CSMD1: variants seen among roughly 807,000 people sequenced by gnomAD.
The protein encoded by CSMD1 is CUB and sushi domain-containing protein 1.
CSMD1 carries 213 observed loss-of-function variants against 417.5 expected under a neutral mutation model. The observed-to-expected ratio is 0.51, with a 90% CI of 0.46 to 0.57. The LOEUF is 0.57. Among genes scored for constraint, CSMD1 ranks in the 20% least tolerant of loss-of-function variants. The pLI, the probability that CSMD1 is intolerant of heterozygous loss-of-function variation, is 0.00. For synonymous variants in CSMD1, 2,862 were observed against 1,736.8 expected (o/e 1.65, Z -16.11); for missense variants, 6,923 against 4,529.7 (o/e 1.53, Z -15.17).
intron 15 of CSMD1, among the ~76,000 whole-genome samples, chr8:3,401,933 G>C (rs528749398): frequency 1.3e-5 from 2 of 149,678 alleles, no homozygotes; most frequent in East Asian, 2.0e-4. Context: ...CCAATGAGGT[G>C]TTTAGAAAGC....
chr8:4,448,955 T>G (rs1484013492), intron 2 of CSMD1, among the ~76,000 whole-genome samples: 2 of 152,204 alleles, frequency 1.3e-5, no homozygotes, highest in Admixed American at 6.5e-5. Flanking sequence ...GTGTACCTGT[T>G]TCTCTTCTGG....
At chr8:4,098,449 G>C (rs1008573969) in intron 3 of CSMD1, among the ~76,000 whole-genome samples, 5 of 151,888 alleles carry the variant, frequency 3.3e-5, no homozygotes, top group African/African-American at 9.7e-5. Context: ...ACATGCATCA[G>C]ACACATATTG....
intron 3 of CSMD1, among the ~76,000 whole-genome samples, chr8:4,297,048 TA>T (rs1425849897): frequency 6.6e-6 from 1 of 151,078 alleles, no homozygotes; most frequent in African/African-American, 2.4e-5. Context: ...TTTACGCCAA[TA>T]AAAATGGTCG....
intron 3 of CSMD1, among the ~76,000 whole-genome samples, chr8:4,314,236 C>G (rs6983013): frequency 2.7e-4 from 41 of 151,622 alleles, no homozygotes; most frequent in Non-Finnish European, 5.4e-4. Context: ...AGTCACAACA[C>G]AATGCCACAT....
chr8:4,928,482 T>C (rs1381344620), intron 1 of CSMD1, among the ~76,000 whole-genome samples: 1 of 152,160 alleles, frequency 6.6e-6, no homozygotes, highest in African/African-American at 2.4e-5. Context: ...ATTTATGAAA[T>C]AATTATGTGA....
In CSMD1 at chr8:4,770,393, T is replaced by C. The variant is rs145855742; in HGVS notation, c.86-132835A>G. Among the ~76,000 whole-genome samples, 1,129 of 149,360 alleles carry C rather than the reference T, an allele frequency of 7.6e-3. 9 individuals are homozygous for C. The highest frequency in any genetic ancestry group is 0.011 in the South Asian group (51 of 4,794). ...TATATGTAGTACGTAATTAAGCTTTTATATATTATATATATTTCCTAATTC... is the reference window on the plus strand; with the variant it reads ...TATATGTAGTACGTAATTAAGCTTTCATATATTATATATATTTCCTAATTC... On this transcript the variant is annotated intron_variant, in intron 1 of 69. Transcript: ENST00000635120.
intron 10 of CSMD1, among the ~76,000 whole-genome samples, chr8:3,534,393 G>A (rs1171816772): frequency 1.3e-5 from 2 of 151,872 alleles, no homozygotes; most frequent in Non-Finnish European, 2.9e-5. Context: ...TGTAGACTCA[G>A]TTTAATGCCT....
rs184203972 is a variant in CSMD1, at chr8:4,416,826, A to G, written c.415+3127T>C. Among the ~76,000 whole-genome samples the G allele has an allele frequency of 4.9e-3, 744 of 152,204 alleles. 12 individuals carry two copies. Among genetic ancestry groups the G allele is most frequent in the Admixed American group, 0.043 (660 of 15,288 alleles). ...GCTTGATGACAAAGTAATATTTTTTAATACTTGAGATTTTGATAAAAGAAG... is the reference window on the plus strand; with the variant it reads ...GCTTGATGACAAAGTAATATTTTTTGATACTTGAGATTTTGATAAAAGAAG... On this transcript the variant is annotated intron_variant, in intron 3 of 69. Transcript: ENST00000635120.
At chr8:4,585,163 T>G (rs1799636840) in intron 2 of CSMD1, among the ~76,000 whole-genome samples, 1 of 148,558 alleles carries the variant, frequency 6.7e-6, no homozygotes, top group Non-Finnish European at 1.5e-5. Flanking sequence ...TTAGCAGAAG[T>G]TGCCTTTAAA....
intron 6 of CSMD1, among the ~76,000 whole-genome samples, chr8:3,725,003 C>T (rs998546833): frequency 3.3e-5 from 5 of 152,190 alleles, no homozygotes; most frequent in African/African-American, 1.2e-4. Context: ...ATATTTTATA[C>T]AGCTATAAAC....
At chr8:2,942,752 G>C in intron 68 of CSMD1, 148 bp from the exon 69 acceptor site, 1 of 603,210 alleles carries the variant, frequency 1.7e-6, no homozygotes, top group Non-Finnish European at 2.7e-6. Context: ...CTTTTCTAAA[G>C]ATTTTTAATA....
intron 3 of CSMD1, among the ~76,000 whole-genome samples, chr8:4,107,119 C>T (rs760036677): frequency 6.6e-6 from 1 of 152,174 alleles, no homozygotes. Flanking sequence ...TGAGGACTAA[C>T]AACCAAGCAT....
intron 3 of CSMD1, among the ~76,000 whole-genome samples, chr8:4,323,322 C>T (rs10503253): frequency 6.6e-6 from 1 of 152,040 alleles, no homozygotes; most frequent in South Asian, 2.1e-4. Flanking sequence ...TATAGTACTT[C>T]AACCCCTAAA....
intron 3 of CSMD1, among the ~76,000 whole-genome samples, chr8:4,125,088 C>T (rs984485678): frequency 6.7e-6 from 1 of 149,954 alleles, no homozygotes; most frequent in East Asian, 2.0e-4. Context: ...GGCTTCATTC[C>T]TTGAAGCCGG....
chr8:3,591,001 T>G (rs1258415710), intron 8 of CSMD1, among the ~76,000 whole-genome samples: 1 of 152,182 alleles, frequency 6.6e-6, no homozygotes, highest in East Asian at 1.9e-4. Flanking sequence ...CTTGGTTTTC[T>G]GGAAAGAAGT....
At chr8:3,617,173 T>A (rs550868492) in intron 7 of CSMD1, among the ~76,000 whole-genome samples, 2 of 152,280 alleles carry the variant, frequency 1.3e-5, no homozygotes, top group South Asian at 4.1e-4. Flanking sequence ...CTTCACTTAT[T>A]CCCATAGATG....
At chr8:4,035,914 A>C (rs1300478780) in intron 3 of CSMD1, among the ~76,000 whole-genome samples, 1 of 152,170 alleles carries the variant, frequency 6.6e-6, no homozygotes, top group African/African-American at 2.4e-5. Context: ...ACACAGACTC[A>C]CCCAGAGCAA....
intron 5 of CSMD1, among the ~76,000 whole-genome samples, chr8:3,888,317 A>G (rs1484209891): frequency 6.6e-6 from 1 of 152,212 alleles, no homozygotes; most frequent in Non-Finnish European, 1.5e-5. Context: ...CTTCAAGGCA[A>G]GCATTTGTAT....
rs554415973 is a variant in CSMD1 at position 3,636,781 on chromosome 8, C to A, written c.1010-19984G>T. 7.9e-5 allele frequency among the ~76,000 whole-genome samples: 12 copies of A among 152,264 alleles called. No homozygotes were observed. In the South Asian group the frequency reaches 2.3e-3, roughly 29 times the overall value. ...AGGCAGAGAGGTTCTCCTGACACTT[C>A]CACACTTTGAGTTTCATACGATCAT... On this transcript the variant is annotated intron_variant, in intron 7 of 69. Transcript: ENST00000635120.
Sources: gnomAD v4.1 joint callset for allele counts (sites outside exome capture counted in the v4.1 genomes callset) on GRCh38, gnomAD v4.1.1 for gene constraint, MANE v1.5 for transcripts, NCBI Gene and HGNC (gene_info 2026-07-23, HGNC 2026-07-21) for gene names.